The following MSI2 variants were observed in gnomAD, a reference collection of about 807,000 sequenced individuals.
The protein encoded by MSI2 is RNA-binding protein Musashi homolog 2.
Under a neutral mutation model 45.6 loss-of-function variants are expected in MSI2, and 17 were observed. That is an observed-to-expected ratio of 0.37 (90% confidence interval 0.26 to 0.56). The LOEUF is 0.56. Among genes scored for constraint, MSI2 ranks in the 20% least tolerant of loss-of-function variants. The probability of loss-of-function intolerance (pLI) is 0.77; values close to 1 mark genes in which losing one functional copy is unlikely to be tolerated. For missense variants in MSI2, 293 were observed against 444.2 expected (o/e 0.66, Z 3.06); for synonymous variants, 156 against 158.2 (o/e 0.99, Z 0.11).
At chr17:57,463,773 C>G (rs765898408) in intron 6 of MSI2, among the ~76,000 whole-genome samples, 16 of 151,902 alleles carry the variant, frequency 1.1e-4, no homozygotes, top group South Asian at 2.1e-4. Context: ...AGCACTCCCC[C>G]TCTCTAAATA....
intron 5 of MSI2, among the ~76,000 whole-genome samples, chr17:57,379,602 G>A (rs928779577): frequency 3.3e-5 from 5 of 151,668 alleles, no homozygotes; most frequent in African/African-American, 7.3e-5. Flanking sequence ...GTTACTTCTC[G>A]GATTGGCTTC....
chr17:57,291,686 G>A (rs551079395), intron 5 of MSI2, among the ~76,000 whole-genome samples: 56 of 152,224 alleles, frequency 3.7e-4, no homozygotes, highest in African/African-American at 1.2e-3. Context: ...AGCAGGTCCC[G>A]CACTTGAATT....
At chr17:57,286,588 G>C (rs964657841) in intron 5 of MSI2, among the ~76,000 whole-genome samples, 7 of 152,040 alleles carry the variant, frequency 4.6e-5, no homozygotes, top group Admixed American at 4.6e-4. Flanking sequence ...GCTTCTCGGA[G>C]GTGACCACGT....
intron 4 of MSI2, 132 bp from the exon 5 acceptor site, chr17:57,262,019 T>A (rs1180613902): frequency 3.3e-6 from 3 of 897,182 alleles, no homozygotes; most frequent in Admixed American, 4.8e-5. Flanking sequence ...AAGAAACTTT[T>A]GAGTTGCCTG....
chr17:57,598,421 A>G (rs1055031715), intron 8 of MSI2, among the ~76,000 whole-genome samples: 1 of 152,156 alleles, frequency 6.6e-6, no homozygotes, highest in Admixed American at 6.5e-5. Context: ...TTGACTTGCT[A>G]ATTTTTTCCC....
chr17:57,643,218 G>T (rs535152609), intron 10 of MSI2, among the ~76,000 whole-genome samples: 4 of 152,328 alleles, frequency 2.6e-5, no homozygotes, highest in African/African-American at 9.6e-5. Context: ...ATTCAGCTGT[G>T]GGCCTGGAGC....
intron 5 of MSI2, among the ~76,000 whole-genome samples, chr17:57,326,784 C>T (rs1408209892): frequency 2.0e-5 from 3 of 152,152 alleles, no homozygotes; most frequent in Admixed American, 6.5e-5. Context: ...AAGTAGCTTG[C>T]CTGGGGTCAT....
chr17:57,338,967 T>C (rs1338697782), intron 5 of MSI2, among the ~76,000 whole-genome samples: 7 of 152,136 alleles, frequency 4.6e-5, no homozygotes, highest in Admixed American at 4.6e-4. Context: ...ATTTGGCTTG[T>C]CAGGGGTGCC....
intron 11 of MSI2, among the ~76,000 whole-genome samples, chr17:57,668,728 ATC>A (rs1912557116): frequency 1.3e-5 from 2 of 152,264 alleles, no homozygotes; most frequent in South Asian, 4.1e-4. Context: ...TCAGTAATAT[ATC>A]TGTTTGTATA....
intron 6 of MSI2, among the ~76,000 whole-genome samples, chr17:57,490,203 G>A (rs1419477366): frequency 2.6e-5 from 4 of 152,182 alleles, no homozygotes; most frequent in Non-Finnish European, 2.9e-5. Context: ...GATGTATGAT[G>A]CCTGCCACTC....
At chr17:57,269,634 G>A (rs578014041) in intron 5 of MSI2, among the ~76,000 whole-genome samples, 1 of 152,250 alleles carries the variant, frequency 6.6e-6, no homozygotes, top group African/African-American at 2.4e-5. Context: ...TCCTTAACAA[G>A]GGACCATGAT....
chr17:57,638,342 G>C (rs1036243353), intron 10 of MSI2, among the ~76,000 whole-genome samples: 15 of 152,210 alleles, frequency 9.9e-5, no homozygotes, highest in African/African-American at 3.6e-4. Flanking sequence ...ATTCTCTGCA[G>C]AGAGCTGGAA....
intron 6 of MSI2, among the ~76,000 whole-genome samples, chr17:57,439,561 T>C (rs1470390206): frequency 2.4e-5 from 3 of 126,674 alleles, no homozygotes; most frequent in Admixed American, 7.7e-5. Context: ...GGCTTTGTCT[T>C]TTTTTTTTTT....
intron 6 of MSI2, among the ~76,000 whole-genome samples, chr17:57,424,642 TCTC>T (rs1239375469): frequency 6.6e-6 from 1 of 152,130 alleles, no homozygotes; most frequent in Admixed American, 6.5e-5. Flanking sequence ...GCTCTGGACA[TCTC>T]CTGATGCTTC....
At chr17:57,543,141 G>T (rs1162451984) in intron 7 of MSI2, among the ~76,000 whole-genome samples, 1 of 152,176 alleles carries the variant, frequency 6.6e-6, no homozygotes, top group African/African-American at 2.4e-5. Flanking sequence ...GCCCTGTCTG[G>T]AGAGGCGTGT....
chr17:57,563,199 T>A (rs1471345114), intron 7 of MSI2, among the ~76,000 whole-genome samples: 1 of 152,046 alleles, frequency 6.6e-6, no homozygotes, highest in Non-Finnish European at 1.5e-5. Context: ...GGATTTTTTT[T>A]ATATCCGTCA....
intron 7 of MSI2, among the ~76,000 whole-genome samples, chr17:57,581,396 T>C (rs376614766): frequency 4.5e-4 from 68 of 152,248 alleles, no homozygotes; most frequent in African/African-American, 1.5e-3. Flanking sequence ...ACACAGCTAG[T>C]AAACAACCAG....
intron 6 of MSI2, among the ~76,000 whole-genome samples, chr17:57,453,812 T>C (rs141963874): frequency 2.4e-4 from 37 of 152,332 alleles, no homozygotes; most frequent in East Asian, 5.8e-4. Context: ...ATCCTCAGGA[T>C]AGGTACTGTC....
At chr17:57,350,448 C>T (rs1411455929) in intron 5 of MSI2, among the ~76,000 whole-genome samples, 1 of 152,146 alleles carries the variant, frequency 6.6e-6, no homozygotes, top group African/African-American at 2.4e-5. Flanking sequence ...GATGGCCTCT[C>T]CATGTGATTG....
Sources: allele counts gnomAD v4.1 joint callset (sites outside exome capture counted in the v4.1 genomes callset), GRCh38; gene constraint gnomAD v4.1.1; transcripts MANE v1.5; gene names NCBI Gene and HGNC (gene_info 2026-07-23, HGNC 2026-07-21).